KCNC2: variants seen among roughly 807,000 people sequenced by gnomAD.
The protein encoded by KCNC2 is voltage-gated potassium channel KCNC2.
KCNC2 carries 21 observed loss-of-function variants against 44.5 expected under a neutral mutation model. That is an observed-to-expected ratio of 0.47 (90% CI 0.33 to 0.68). The LOEUF (loss-of-function observed/expected upper bound fraction) is 0.68. Ranked by LOEUF, KCNC2 falls within the 30% of genes least tolerant of loss-of-function variation. KCNC2 has a pLI of 0.01. For synonymous variants in KCNC2, 391 were observed against 339.1 expected (o/e 1.15, Z -1.68); for missense variants, 589 against 826.2 (o/e 0.71, Z 3.52).
At chr12:75,055,500 C>T (rs559472524) in intron 2 of KCNC2, among the ~76,000 whole-genome samples, 36 of 152,144 alleles carry the variant, frequency 2.4e-4, no homozygotes, top group African/African-American at 8.4e-4. Flanking sequence ...CCAAAAACTC[C>T]TCCAGACATT....
chr12:75,090,248 T>C (rs2137125015), intron 2 of KCNC2, among the ~76,000 whole-genome samples: 1 of 151,874 alleles, frequency 6.6e-6, no homozygotes, highest in South Asian at 2.1e-4. Flanking sequence ...TTATCGATGT[T>C]TACAGATCTA....
chr12:75,058,527 G>A (rs1186887977), intron 2 of KCNC2, among the ~76,000 whole-genome samples: 1 of 151,934 alleles, frequency 6.6e-6, no homozygotes, highest in African/African-American at 2.4e-5. Flanking sequence ...TTTACTTAAT[G>A]GAAAGTGATG....
At chr12:75,075,539 T>C (rs1883874719) in intron 2 of KCNC2, among the ~76,000 whole-genome samples, 1 of 150,784 alleles carries the variant, frequency 6.6e-6, no homozygotes, top group Admixed American at 6.6e-5. Context: ...AATCTGATGA[T>C]TGAAAACGAA....
intron 2 of KCNC2, among the ~76,000 whole-genome samples, chr12:75,188,785 G>A (rs1294059804): frequency 3.3e-5 from 5 of 151,730 alleles, no homozygotes; most frequent in Admixed American, 2.6e-4. Context: ...ACTTGAACCC[G>A]GAGTTGGAGG....
chr12:75,193,188 A>T lies in KCNC2; in HGVS notation c.687+14109T>A, dbSNP rs185871799. 7.0e-4 allele frequency among the ~76,000 whole-genome samples: 106 copies of T among 152,328 alleles called. No individual in the cohort carries two copies. In the East Asian group the frequency reaches 0.019, roughly 27 times the overall value. ...AGTCCAACTGTAGTTGAAGATAGTA[A>T]ACTTATCTTCTTATCCAAATTTTAT... On this transcript the variant is annotated intron_variant, in intron 2 of 4. Coordinates refer to ENST00000549446, the MANE Select transcript of KCNC2 (RefSeq NM_139137.4).
intron 2 of KCNC2, among the ~76,000 whole-genome samples, chr12:75,151,235 A>T (rs1172394577): frequency 6.6e-6 from 1 of 151,976 alleles, no homozygotes; most frequent in Non-Finnish European, 1.5e-5. Flanking sequence ...TCAAACAAAC[A>T]TACTGTCTAG....
intron 2 of KCNC2, among the ~76,000 whole-genome samples, chr12:75,175,954 T>G (rs911030030): frequency 6.6e-6 from 1 of 152,042 alleles, no homozygotes; most frequent in African/African-American, 2.4e-5. Flanking sequence ...TCCTAAAAAA[T>G]GATTTATTAT....
chr12:75,062,919 T>C (rs1882484843), intron 2 of KCNC2, among the ~76,000 whole-genome samples: 1 of 152,084 alleles, frequency 6.6e-6, no homozygotes, highest in South Asian at 2.1e-4. Flanking sequence ...TAAAATGACA[T>C]CCACAGCTTC....
intron 4 of KCNC2, 155 bp from the exon 5 acceptor site, chr12:75,043,396 A>T: frequency 7.2e-7 from 1 of 1,396,022 alleles, no homozygotes; most frequent in Non-Finnish European, 9.3e-7. Context: ...AACTCTAAAA[A>T]AATGAAGCTC....
chr12:75,158,097 G>A (rs1425010893), intron 2 of KCNC2, among the ~76,000 whole-genome samples: 1 of 151,838 alleles, frequency 6.6e-6, no homozygotes, highest in Non-Finnish European at 1.5e-5. Flanking sequence ...GTCAGTAGGA[G>A]GCTTATTTGT....
At chr12:75,188,910 G>T (rs1048440181) in intron 2 of KCNC2, among the ~76,000 whole-genome samples, 1 of 149,814 alleles carries the variant, frequency 6.7e-6, no homozygotes, top group South Asian at 2.1e-4. Context: ...TAAATAACAA[G>T]GTGACACACT....
Position 75,198,757 on chromosome 12 carries a change from A to T in KCNC2, c.687+8540T>A, listed in dbSNP as rs557248480. ...TAAAAGTACCAAAATCAAGAACCCCATATCTGAATTTCTATTCTATAATTT... is the reference window on the plus strand; with the variant it reads ...TAAAAGTACCAAAATCAAGAACCCCTTATCTGAATTTCTATTCTATAATTT... On this transcript the variant is annotated intron_variant, in intron 2 of 4. Transcript: ENST00000549446. Among the ~76,000 whole-genome samples the T allele has an allele frequency of 1.8e-4, 27 of 151,930 alleles. No homozygotes were observed. In the South Asian group the frequency reaches 2.1e-3, roughly 12 times the overall value.
intron 2 of KCNC2, among the ~76,000 whole-genome samples, chr12:75,069,344 C>A (rs1883167798): frequency 6.6e-6 from 1 of 151,884 alleles, no homozygotes; most frequent in Non-Finnish European, 1.5e-5. Flanking sequence ...CCATGTTGGT[C>A]AGGCTGGTCT....
intron 2 of KCNC2, among the ~76,000 whole-genome samples, chr12:75,061,566 TACACACACACACACACACAC>T (rs59052402): frequency 5.6e-5 from 8 of 143,346 alleles, no homozygotes; most frequent in South Asian, 4.6e-4. Context: ...AAGTGACAAG[TACACACACACACACACACAC>T]ACACACACAC....
At chr12:75,061,900 C>T (rs1377100291) in intron 2 of KCNC2, among the ~76,000 whole-genome samples, 2 of 151,964 alleles carry the variant, frequency 1.3e-5, no homozygotes, top group African/African-American at 2.4e-5. Context: ...AAATTAAGGG[C>T]TATGCCACTG....
intron 2 of KCNC2, among the ~76,000 whole-genome samples, chr12:75,078,863 G>T (rs10161208): frequency 0.034 from 5,109 of 152,166 alleles, 276 homozygotes; most frequent in African/African-American, 0.11. Context: ...GTTCTTTGAA[G>T]ACATCAAATT....
intron 2 of KCNC2, among the ~76,000 whole-genome samples, chr12:75,181,400 T>C (rs1892561855): frequency 6.6e-6 from 1 of 152,218 alleles, no homozygotes; most frequent in South Asian, 2.1e-4. Context: ...GAAGACAGTA[T>C]CAGTTCTAAG....
intron 2 of KCNC2, among the ~76,000 whole-genome samples, chr12:75,119,406 G>A (rs1441858999): frequency 6.6e-6 from 1 of 152,146 alleles, no homozygotes; most frequent in Non-Finnish European, 1.5e-5. Context: ...TTAGTTAAGT[G>A]CTTTCCCTTA....
chr12:75,076,341 C>T (rs1410945128), intron 2 of KCNC2, among the ~76,000 whole-genome samples: 2 of 58,438 alleles, frequency 3.4e-5, no homozygotes, highest in Non-Finnish European at 1.4e-4. Flanking sequence ...AGCGCGATCT[C>T]GACTCACTGC....
Sources: gnomAD v4.1 joint callset for allele counts (sites outside exome capture counted in the v4.1 genomes callset) on GRCh38, gnomAD v4.1.1 for gene constraint, MANE v1.5 for transcripts, NCBI Gene and HGNC (gene_info 2026-07-23, HGNC 2026-07-21) for gene names.